MRPL13: variants seen among roughly 807,000 people sequenced by gnomAD.
MRPL13 encodes the protein large ribosomal subunit protein uL13m.
MRPL13 carries 33 observed loss-of-function variants against 29.0 expected under a neutral mutation model. The ratio of observed to expected loss-of-function variants is 1.14; its 90% CI spans 0.86 to 1.52. MRPL13 has a LOEUF of 1.52. Ranked by LOEUF, MRPL13 falls within the 40% of genes most tolerant of loss-of-function variation. The pLI, the probability that MRPL13 is intolerant of heterozygous loss-of-function variation, is 0.00. For synonymous variants in MRPL13, 77 were observed against 68.4 expected (o/e 1.13, Z -0.62); for missense variants, 227 against 216.7 (o/e 1.05, Z -0.30).
intron 1 of MRPL13, 156 bp downstream of exon 1, chr8:120,444,912 C>T: frequency 2.8e-6 from 2 of 715,454 alleles, no homozygotes; most frequent in Non-Finnish European, 4.6e-6. Flanking sequence ...TAAGTGCTTG[C>T]CAGACTGACG....
At chr8:120,399,111 C>T (rs1216096507) in intron 6 of MRPL13, among the ~76,000 whole-genome samples, 1 of 152,154 alleles carries the variant, frequency 6.6e-6, no homozygotes, top group Non-Finnish European at 1.5e-5. Flanking sequence ...CCTAGCAAGA[C>T]AGGCCAAAAC....
chr8:120,427,776 C>G (rs1429626854), intron 3 of MRPL13, among the ~76,000 whole-genome samples: 1 of 151,800 alleles, frequency 6.6e-6, no homozygotes, highest in Non-Finnish European at 1.5e-5. Context: ...CCAGCCTGGG[C>G]AACACAGTGA....
chr8:120,407,825 T>C (rs955338283), intron 6 of MRPL13, among the ~76,000 whole-genome samples: 3 of 152,198 alleles, frequency 2.0e-5, no homozygotes, highest in East Asian at 1.9e-4. Flanking sequence ...TTTTCTTCAA[T>C]AGGTTTTATG....
At chr8:120,402,758 G>C (rs1309718055) in intron 6 of MRPL13, among the ~76,000 whole-genome samples, 1 of 152,094 alleles carries the variant, frequency 6.6e-6, no homozygotes, top group African/African-American at 2.4e-5. Context: ...ATCTGACAAA[G>C]GTCTAATATC....
chr8:120,432,201 C>A (rs1813004824), intron 2 of MRPL13, 78 bp from the exon 3 acceptor site: 1 of 1,047,846 alleles, frequency 9.5e-7, no homozygotes, highest in East Asian at 2.7e-5. Context: ...ATTTATAAAG[C>A]TTATCAAAGT....
intron 3 of MRPL13, among the ~76,000 whole-genome samples, chr8:120,426,458 T>C (rs929600559): frequency 1.1e-4 from 16 of 152,140 alleles, no homozygotes; most frequent in African/African-American, 3.4e-4. Flanking sequence ...GAAAAAGAAA[T>C]GCCTGTCTAG....
chr8:120,421,857 A>C (rs762686281), intron 4 of MRPL13, among the ~76,000 whole-genome samples: 1 of 151,844 alleles, frequency 6.6e-6, no homozygotes, highest in Non-Finnish European at 1.5e-5. Context: ...TCATTTTAAC[A>C]TTTAAAATAT....
chr8:120,417,736 A>C (rs1192814174), intron 5 of MRPL13, among the ~76,000 whole-genome samples: 1 of 151,884 alleles, frequency 6.6e-6, no homozygotes, highest in African/African-American at 2.4e-5. Flanking sequence ...ACTTTCTATT[A>C]TTTCACTATT....
intron 3 of MRPL13, among the ~76,000 whole-genome samples, chr8:120,427,748 G>A (rs1212534252): frequency 1.3e-5 from 2 of 151,938 alleles, no homozygotes; most frequent in Admixed American, 6.6e-5. Context: ...AGGACTTCTT[G>A]AGCCCACAAG....
chr8:120,396,705 T>A (rs4242313), intron 6 of MRPL13, among the ~76,000 whole-genome samples: 132,749 of 152,024 alleles, frequency 0.87, 58,135 homozygotes, highest in Non-Finnish European at 0.91. Context: ...ATTAAAAAAA[T>A]TTTTCAGAAG....
At position 120,443,317 on chromosome 8, in the gene MRPL13, GGAAAAA is replaced by G; in HGVS notation, c.28-15_28-10del. 1 of 1,416,136 alleles carries G rather than the reference GGAAAAA, an allele frequency of 7.1e-7. No homozygotes were observed. 87.7% of individuals were successfully genotyped at this position (1,416,136 alleles called of 1,614,324 possible). A position where few individuals can be genotyped will look rare whatever the true frequency, so the allele number is the denominator to read the frequency against. Reference sequence around the variant, plus strand: ...GCAAAAGTGGCCCATTGCTTGGGGGGGAAAAAAAAAAAAAAGAAGAGGAAAAAATAA... The same window carrying G: ...GCAAAAGTGGCCCATTGCTTGGGGGGAAAAAAAAAGAAGAGGAAAAAATAA... On this transcript the variant is annotated splice_polypyrimidine_tract_variant and intron_variant, in intron 1 of 6. Coordinates refer to ENST00000306185, the MANE Select transcript of MRPL13 (RefSeq NM_014078.6).
intron 6 of MRPL13, among the ~76,000 whole-genome samples, chr8:120,410,144 A>G (rs746564257): frequency 6.6e-6 from 1 of 152,180 alleles, no homozygotes; most frequent in Non-Finnish European, 1.5e-5. Flanking sequence ...AAATTATAAG[A>G]TGTACATTCT....
chr8:120,406,704 A>G (rs1273783536), intron 6 of MRPL13, among the ~76,000 whole-genome samples: 2 of 151,794 alleles, frequency 1.3e-5, no homozygotes, highest in Non-Finnish European at 1.5e-5. Flanking sequence ...GAAGTGAAAG[A>G]CGAAAGTTTT....
intron 1 of MRPL13, among the ~76,000 whole-genome samples, 169 bp from the exon 2 acceptor site, chr8:120,443,477 C>A (rs1813152834): frequency 6.6e-6 from 1 of 151,972 alleles, no homozygotes; most frequent in African/African-American, 2.4e-5. Context: ...GTTTTCATTT[C>A]TATTTCTGGA....
chr8:120,414,087 T>A lies in MRPL13; in HGVS notation c.419A>T (p.Asn140Ile), dbSNP rs1402669644. The A allele has an allele frequency of 1.3e-6, 2 of 1,589,408 alleles. No homozygotes were observed. The highest frequency in any genetic ancestry group is 2.4e-5 in the South Asian group (2 of 84,672). The change falls in exon 6 of 7, where the codon AAT becomes ATT. Residue 140 changes from asparagine (N) to isoleucine (I), a missense_variant. Coordinates refer to ENST00000306185, the MANE Select transcript of MRPL13 (RefSeq NM_014078.6). The part of the protein sequence containing the change: ...DEYIPEDILK[N>I]LVEELPQPRK... ...TGGTTGAGGAAGCTCCTCTACTAAA[T>A]TCTTAAGAATATCTTCTGGAATATA... is the stretch of plus-strand genomic sequence containing the variant.
intron 6 of MRPL13, among the ~76,000 whole-genome samples, chr8:120,407,521 C>G (rs1284917891): frequency 1.3e-5 from 2 of 152,020 alleles, no homozygotes; most frequent in Non-Finnish European, 2.9e-5. Flanking sequence ...TGGCGGGCTC[C>G]TGTAATCCCA....
intron 1 of MRPL13, among the ~76,000 whole-genome samples, chr8:120,443,981 A>G (rs1813165651): frequency 6.6e-6 from 1 of 152,142 alleles, no homozygotes; most frequent in Non-Finnish European, 1.5e-5. Context: ...TCTCCACCAG[A>G]TGCTTTCTCT....
At chr8:120,398,239 G>C (rs773447159) in intron 6 of MRPL13, among the ~76,000 whole-genome samples, 1 of 152,142 alleles carries the variant, frequency 6.6e-6, no homozygotes, top group Non-Finnish European at 1.5e-5. Context: ...GGAGTGTCTG[G>C]GCTGGCAACA....
At chr8:120,435,538 C>G (rs1813044526) in intron 2 of MRPL13, among the ~76,000 whole-genome samples, 1 of 152,118 alleles carries the variant, frequency 6.6e-6, no homozygotes. Flanking sequence ...AGGACATGAT[C>G]TCATTTTTTA....
Sources: allele counts gnomAD v4.1 joint callset (sites outside exome capture counted in the v4.1 genomes callset), GRCh38; gene constraint gnomAD v4.1.1; transcripts MANE v1.5; gene names NCBI Gene and HGNC (gene_info 2026-07-23, HGNC 2026-07-21).